Variants in PDE4A observed in about 807,000 individuals in gnomAD.
PDE4A encodes phosphodiesterase 4A, also known as 3',5'-cyclic-AMP phosphodiesterase 4A.
In PDE4A, 21 loss-of-function variants were observed where a neutral mutation model predicts 73.9. The observed-to-expected ratio is 0.28, with a 90% confidence interval of 0.20 to 0.41. The LOEUF is 0.41. PDE4A is among the 10% of genes least tolerant of loss of function. The probability of loss-of-function intolerance (pLI) is 1.00; values close to 1 mark genes in which losing one functional copy is unlikely to be tolerated. For missense variants in PDE4A, 958 were observed against 1,211.4 expected, an observed-to-expected ratio of 0.79 and a Z score of 3.10; for synonymous variants, 463 against 505.4, an observed-to-expected ratio of 0.92 and a Z score of 1.13.
chr19:10,424,000 A>G (rs1453885117), intron 1 of PDE4A, among the ~76,000 whole-genome samples: 1 of 152,232 alleles, frequency 6.6e-6, no homozygotes, highest in African/African-American at 2.4e-5. Context: ...GGGCACATAC[A>G]GGATTCAGTG....
In PDE4A at chr19:10,420,770, AC is replaced by A; in HGVS notation, c.11del (p.Pro4ArgfsTer23). On this transcript the variant is annotated frameshift_variant, in exon 1 of 15. Transcript: ENST00000380702. LOFTEE classifies it high-confidence loss of function. The surrounding 1 kb of genome is among the most constrained non-coding windows in gnomAD (Gnocchi z 6.0). ME[P>X]PTVPSERSLS... is the part of the protein sequence containing the mutation. ...CGCAAGTGGGGGCCGGCGCCATGGA[AC>A]CCCCGACCGTCCCCTCGGAAAGGAG... is the stretch of plus-strand genomic sequence containing the variant. 1 of 1,565,268 alleles carries A rather than the reference AC, an allele frequency of 6.4e-7. No homozygotes were observed. Among genetic ancestry groups the A allele is most frequent in the Admixed American group, 1.8e-5 (1 of 55,616 alleles).
Position 10,467,760 on chromosome 19 carries a change from C to G in PDE4A, c.*139C>G. Reference sequence around the variant, plus strand: ...AGAAAACGAAAAGTGGGGTTTTTTTCTGTTTTCTTTTTTTCCCCTTTCCCC... The same window carrying G: ...AGAAAACGAAAAGTGGGGTTTTTTTGTGTTTTCTTTTTTTCCCCTTTCCCC... On this transcript the variant is annotated 3_prime_UTR_variant, in exon 15 of 15. Transcript: ENST00000380702. The G allele has an allele frequency of 1.6e-6, 1 of 639,386 alleles. No individual in the cohort carries two copies. The highest frequency in any genetic ancestry group is 2.4e-6 in the Non-Finnish European group (1 of 417,928). 39.6% of individuals were successfully genotyped at this position (639,386 alleles called of 1,614,324 possible).
chr19:10,461,963 G>A lies in PDE4A; in HGVS notation c.1707G>A (p.Gly569=), dbSNP rs754765624. ...AGACCAAGAAAGTGACCAGCTCAGG[G>A]GTCCTCCTGCTAGATAACTACTCCG... is the stretch of plus-strand genomic sequence containing the variant. ...MVETKKVTSS[G]VLLLDNYSDR... The change falls in exon 13 of 15, where the codon GGG becomes GGA. Residue 569 remains glycine (G), a synonymous_variant. Coordinates refer to ENST00000380702, the MANE Select transcript of PDE4A (RefSeq NM_001111307.2). 1.9e-6 allele frequency: 3 copies of A among 1,613,954 alleles called. No homozygotes were observed. Among genetic ancestry groups the A allele is most frequent in the Non-Finnish European group, 2.5e-6 (3 of 1,179,962 alleles).
chr19:10,466,322 G>A (rs1236999536), intron 14 of PDE4A, among the ~76,000 whole-genome samples: 1 of 148,302 alleles, frequency 6.7e-6, no homozygotes, highest in Non-Finnish European at 1.5e-5. Context: ...GCGGGCGCCT[G>A]TAGTCCCAGC....
intron 1 of PDE4A, chr19:10,430,940 G>A (rs1274345847): frequency 3.9e-6 from 6 of 1,521,970 alleles, no homozygotes; most frequent in Admixed American, 2.0e-5. Context: ...TCCTGCCCGA[G>A]CCCCTGGCCC....
chr19:10,440,575 C>T (rs1017626520), intron 1 of PDE4A, among the ~76,000 whole-genome samples: 6 of 152,220 alleles, frequency 3.9e-5, no homozygotes, highest in African/African-American at 7.2e-5. Flanking sequence ...AGGTGAGAGC[C>T]GCCATGCCTG....
At chr19:10,427,682 A>C (rs2042734952) in intron 1 of PDE4A, 1 of 969,952 alleles carries the variant, frequency 1.0e-6, no homozygotes, top group Non-Finnish European at 1.2e-6. Flanking sequence ...TGATCTTTCT[A>C]GATTGGGAGA....
At chr19:10,418,952 C>T (rs1230394073), upstream of PDE4A, 1 of 984,866 alleles carries the variant, frequency 1.0e-6, no homozygotes, top group Middle Eastern at 5.2e-4. Flanking sequence ...TTGGAATACC[C>T]GGCGGCTGCT....
chr19:10,422,504 T>A (rs1437186729), intron 1 of PDE4A, among the ~76,000 whole-genome samples: 1 of 152,182 alleles, frequency 6.6e-6, no homozygotes, highest in Non-Finnish European at 1.5e-5. Context: ...GCTTTGCCCG[T>A]GTGCTCTACC....
At chr19:10,423,157 CTTT>C (rs61513692) in intron 1 of PDE4A, 8,489 of 747,398 alleles carry the variant, frequency 0.011, no homozygotes, top group East Asian at 0.017. Flanking sequence ...AACCCTTTCT[CTTT>C]TTTTTTTTTT....
At chr19:10,450,553 G>A (rs1458702026) in intron 4 of PDE4A, 50 bp from the exon 5 acceptor site, 1 of 1,552,678 alleles carries the variant, frequency 6.4e-7, no homozygotes, top group Admixed American at 2.1e-5. Context: ...GCAGGGACCT[G>A]GTGGGGGGAC....
rs764158449 is a variant in PDE4A at position 10,467,573 on chromosome 19, C to T, written c.2613C>T (p.Ser871=). The T allele has an allele frequency of 1.8e-5, 29 of 1,599,626 alleles. No individual in the cohort carries two copies. The highest frequency in any genetic ancestry group is 1.1e-4 in the East Asian group (5 of 44,592). Residue 871 remains serine (S), a synonymous_variant, in exon 15 of 15, where the codon TCC becomes TCT. Coordinates refer to ENST00000380702, the MANE Select transcript of PDE4A (RefSeq NM_001111307.2). ...ACAGTFGEDT[S]ALPAPGGGGS... is the part of the protein sequence containing the mutation. ...CAGGGACATTTGGGGAGGACACATC[C>T]GCACTCCCAGCTCCTGGTGGCGGGG...
chr19:10,431,687 C>A (rs1408069485), intron 1 of PDE4A, among the ~76,000 whole-genome samples: 1 of 152,172 alleles, frequency 6.6e-6, no homozygotes, highest in Non-Finnish European at 1.5e-5. Context: ...TCCCCCTCTT[C>A]CACCTACTTT....
upstream of PDE4A, chr19:10,417,301 G>A (rs937509868): frequency 1.0e-6 from 1 of 983,828 alleles, no homozygotes; most frequent in Non-Finnish European, 1.2e-6. Context: ...TGGGAGGGGG[G>A]CATTGACATT....
At chr19:10,464,016 C>A in intron 14 of PDE4A, 41 bp downstream of exon 14, 1 of 1,611,114 alleles carries the variant, frequency 6.2e-7, no homozygotes, top group South Asian at 1.1e-5. Flanking sequence ...CAGGGTGAGT[C>A]TCCCCAGCCC....
In PDE4A at chr19:10,453,383, G is replaced by A. The variant is rs1339365600; in HGVS notation, c.784-1446G>A. The A allele has an allele frequency of 2.5e-5, 40 of 1,578,506 alleles. No individual in the cohort carries two copies. Among genetic ancestry groups the A allele is most frequent in the Non-Finnish European group, 3.0e-5 (35 of 1,165,290 alleles). ...GGGCATCCTGGTGAGCTGGGCCCCC[G>A]GTGTGGGCTTGTGTGTGCAGCTGTG... On this transcript the variant is annotated intron_variant, in intron 6 of 14. Coordinates refer to ENST00000380702, the MANE Select transcript of PDE4A (RefSeq NM_001111307.2). The surrounding 1 kb of genome is among the most constrained non-coding windows in gnomAD (Gnocchi z 4.6).
rs946595787 is a variant in PDE4A at position 10,420,713 on chromosome 19, G to T, written c.-52G>T. 4.9e-6 allele frequency: 7 copies of T among 1,441,806 alleles called. No individual in the cohort carries two copies. The Admixed American group carries it at 1.1e-4, about 24-fold the overall frequency. 89.3% of individuals were successfully genotyped at this position (1,441,806 alleles called of 1,614,324 possible). On this transcript the variant is annotated 5_prime_UTR_variant, in exon 1 of 15. Transcript: ENST00000380702. This position sits in a 1 kb window ranked among gnomAD's most constrained non-coding sequence, Gnocchi z 6.0. ...GCTGGCTTGCGCGCAGCTGAGCGGG[G>T]TGTAGGTTGGAAGGGCCAGGGCCCC...
In PDE4A at chr19:10,423,219, C is replaced by T. The variant is rs561775839; in HGVS notation, c.320+2135C>T. The T allele has an allele frequency of 4.9e-5, 35 of 712,618 alleles. No homozygotes were observed. In the South Asian group the frequency reaches 2.1e-3, roughly 42 times the overall value. The allele number at this position is 712,618 out of a possible 1,614,324, so 44.1% of individuals were successfully genotyped here. On this transcript the variant is annotated intron_variant, in intron 1 of 14. Transcript: ENST00000380702. ...TGTCACCCAGGCTGGAGTGCAGTGG[C>T]GTGATCTCAGCTCACTGCAACCTCT...
chr19:10,457,442 G>T (rs866888426), intron 7 of PDE4A, among the ~76,000 whole-genome samples: 1 of 130,894 alleles, frequency 7.6e-6, no homozygotes, highest in African/African-American at 2.7e-5. Context: ...GGGGGGGGGG[G>T]GGGGCAGGGA....
Sources: allele counts gnomAD v4.1 joint callset (sites outside exome capture counted in the v4.1 genomes callset), GRCh38; gene constraint gnomAD v4.1.1; non-coding constraint Gnocchi (gnomAD v3.1); transcripts MANE v1.5; gene names NCBI Gene and HGNC (gene_info 2026-07-23, HGNC 2026-07-21).